XPR1: variants seen among roughly 807,000 people sequenced by gnomAD.
XPR1 encodes xenotropic and polytropic retrovirus receptor 1.
XPR1 carries 28 observed loss-of-function variants against 87.5 expected under a neutral mutation model. The observed-to-expected ratio is 0.32, with a 90% CI of 0.24 to 0.44. The LOEUF (loss-of-function observed/expected upper bound fraction) is 0.44, where lower values mean the gene tolerates loss of function less well. Ranked by LOEUF, XPR1 falls within the 20% of genes least tolerant of loss-of-function variation. XPR1 has a pLI of 1.00. For synonymous variants in XPR1, 300 were observed against 306.1 expected (o/e 0.98, Z 0.21); for missense variants, 559 against 862.3 (o/e 0.65, Z 4.41).
At chr1:180,709,269 G>T (rs900538991) in intron 2 of XPR1, among the ~76,000 whole-genome samples, 1 of 152,148 alleles carries the variant, frequency 6.6e-6, no homozygotes, top group African/African-American at 2.4e-5. Flanking sequence ...TGGTTAGTGT[G>T]TTTTTTAAAC....
chr1:180,756,573 T>C (rs1487035152), intron 2 of XPR1, among the ~76,000 whole-genome samples: 1 of 152,236 alleles, frequency 6.6e-6, no homozygotes, highest in Non-Finnish European at 1.5e-5. Flanking sequence ...ATTCTATGTT[T>C]ACCTTTTCAT....
chr1:180,669,593 C>G (rs1461238865), intron 1 of XPR1, among the ~76,000 whole-genome samples: 2 of 152,092 alleles, frequency 1.3e-5, no homozygotes, highest in Non-Finnish European at 2.9e-5. Flanking sequence ...AACTCCTGAC[C>G]TCAGGTGATC....
intron 2 of XPR1, among the ~76,000 whole-genome samples, chr1:180,699,220 T>C (rs1310358751): frequency 6.7e-6 from 1 of 148,648 alleles, no homozygotes; most frequent in Non-Finnish European, 1.5e-5. Flanking sequence ...TTTTTTTTTT[T>C]TTTTTTATTA....
chr1:180,634,463 A>G (rs1344975325), intron 1 of XPR1, among the ~76,000 whole-genome samples: 1 of 152,164 alleles, frequency 6.6e-6, no homozygotes, highest in Non-Finnish European at 1.5e-5. Context: ...AAAGTAATAG[A>G]GAGATGTAAA....
Position 180,884,219 on chromosome 1 carries a change from A to G in XPR1, c.*153A>G. 1 of 525,218 alleles carries G rather than the reference A, an allele frequency of 1.9e-6. No homozygotes were observed. Among genetic ancestry groups the G allele is most frequent in the East Asian group, 3.3e-5 (1 of 30,704 alleles). The allele number at this position is 525,218 out of a possible 1,614,324, so 32.5% of individuals were successfully genotyped here. ...CCGGATCGGATCCTATGGACTCCAAACAAGCTCACTGTGTTTCTTTTCTTT... is the reference window on the plus strand; with the variant it reads ...CCGGATCGGATCCTATGGACTCCAAGCAAGCTCACTGTGTTTCTTTTCTTT... On this transcript the variant is annotated 3_prime_UTR_variant, in exon 15 of 15. Coordinates refer to ENST00000367590, the MANE Select transcript of XPR1 (RefSeq NM_004736.4).
intron 2 of XPR1, among the ~76,000 whole-genome samples, chr1:180,695,184 T>C (rs1657121250): frequency 1.3e-5 from 2 of 152,236 alleles, no homozygotes; most frequent in Non-Finnish European, 2.9e-5. Flanking sequence ...ATTGGCCATT[T>C]GTATGTCTTC....
At chr1:180,853,964 CATT>C (rs1328506064) in intron 11 of XPR1, among the ~76,000 whole-genome samples, 1 of 151,970 alleles carries the variant, frequency 6.6e-6, no homozygotes, top group Non-Finnish European at 1.5e-5. Flanking sequence ...TTTTAAACAT[CATT>C]GTGACACTCA....
chr1:180,739,945 C>G (rs1658862854), intron 2 of XPR1, among the ~76,000 whole-genome samples: 1 of 152,184 alleles, frequency 6.6e-6, no homozygotes, highest in East Asian at 1.9e-4. Flanking sequence ...CTCCTGACCT[C>G]AAGTGATAAG....
intron 2 of XPR1, among the ~76,000 whole-genome samples, chr1:180,781,593 C>A (rs1648940362): frequency 6.7e-6 from 1 of 149,950 alleles, no homozygotes; most frequent in Non-Finnish European, 1.5e-5. Flanking sequence ...TTGATTGGTA[C>A]TCTTTTTTTT....
chr1:180,725,572 G>A (rs1557975737), intron 2 of XPR1, among the ~76,000 whole-genome samples: 1 of 152,100 alleles, frequency 6.6e-6, no homozygotes, highest in Non-Finnish European at 1.5e-5. Flanking sequence ...TGAATTATAA[G>A]CTAATTAAAG....
chr1:180,884,154 G>T lies in XPR1; in HGVS notation c.*88G>T. The T allele has an allele frequency of 9.3e-7, 1 of 1,070,580 alleles. No individual in the cohort carries two copies. The highest frequency in any genetic ancestry group is 1.4e-6 in the Non-Finnish European group (1 of 729,692). 66.3% of individuals were successfully genotyped at this position (1,070,580 alleles called of 1,614,324 possible). ...CGCAACCTCTAGTACCTTTCCAGCCGAAAACAGGAGAAAACACATAACACA... is the reference window on the plus strand; with the variant it reads ...CGCAACCTCTAGTACCTTTCCAGCCTAAAACAGGAGAAAACACATAACACA... On this transcript the variant is annotated 3_prime_UTR_variant, in exon 15 of 15. Coordinates refer to ENST00000367590, the MANE Select transcript of XPR1 (RefSeq NM_004736.4).
At chr1:180,656,590 ATATATTTTATATATGTATGTAT>A (rs1655530352) in intron 1 of XPR1, among the ~76,000 whole-genome samples, 1 of 66,886 alleles carries the variant, frequency 1.5e-5, no homozygotes, top group Non-Finnish European at 3.0e-5. Flanking sequence ...TATGTATAAT[ATATATTTTATATATGTATGTAT>A]AATATATTTT....
intron 2 of XPR1, among the ~76,000 whole-genome samples, chr1:180,688,121 G>T (rs1002548342): frequency 6.7e-6 from 1 of 149,650 alleles, no homozygotes; most frequent in Admixed American, 6.7e-5. Flanking sequence ...CGTGATCTCG[G>T]CTCGCTGCAA....
At chr1:180,671,142 G>A (rs139001746) in intron 1 of XPR1, among the ~76,000 whole-genome samples, 4 of 152,324 alleles carry the variant, frequency 2.6e-5, no homozygotes, top group African/African-American at 9.6e-5. Flanking sequence ...GCCTAGAAAG[G>A]TAGATTGGAC....
intron 2 of XPR1, among the ~76,000 whole-genome samples, chr1:180,706,188 G>C (rs552650183): frequency 6.6e-6 from 1 of 152,306 alleles, no homozygotes; most frequent in South Asian, 2.1e-4. Flanking sequence ...TCTAAGATTT[G>C]GAGTTACTAG....
intron 2 of XPR1, among the ~76,000 whole-genome samples, chr1:180,729,134 C>T (rs1394134845): frequency 6.6e-6 from 1 of 152,124 alleles, no homozygotes; most frequent in Non-Finnish European, 1.5e-5. Context: ...GGATAATGGC[C>T]TCTAGCTCCA....
At chr1:180,806,393 A>C in intron 5 of XPR1, 81 bp from the exon 6 acceptor site, 1 of 1,513,438 alleles carries the variant, frequency 6.6e-7, no homozygotes, top group Admixed American at 1.8e-5. Context: ...AGAATATAAT[A>C]TATATAAATG....
intron 7 of XPR1, among the ~76,000 whole-genome samples, chr1:180,820,527 G>T (rs1650588117): frequency 6.6e-6 from 1 of 152,186 alleles, no homozygotes; most frequent in Middle Eastern, 3.4e-3. Context: ...TTCATTCATT[G>T]ATGGACATTT....
intron 3 of XPR1, among the ~76,000 whole-genome samples, chr1:180,795,324 A>G (rs1404042468): frequency 6.6e-6 from 1 of 152,190 alleles, no homozygotes. Flanking sequence ...TCTTTGAGGG[A>G]TACATAGGTG....
Sources: allele counts gnomAD v4.1 joint callset (sites outside exome capture counted in the v4.1 genomes callset), GRCh38; gene constraint gnomAD v4.1.1; transcripts MANE v1.5; gene names NCBI Gene and HGNC (gene_info 2026-07-23, HGNC 2026-07-21).